The following DLG2 variants were observed in gnomAD, a reference collection of about 807,000 sequenced individuals.
The protein encoded by DLG2 is disks large homolog 2.
A neutral mutation model predicts 132.5 loss-of-function variants in DLG2; 45 were observed. The ratio of observed to expected loss-of-function variants is 0.34; its 90% confidence interval spans 0.27 to 0.44. The LOEUF is 0.44. DLG2 is among the 20% of genes least tolerant of loss of function. The pLI, the probability that DLG2 is intolerant of heterozygous loss-of-function variation, is 1.00. For synonymous variants in DLG2, 424 were observed against 419.6 expected (o/e 1.01, Z -0.13); for missense variants, 1,045 against 1,196.9 (o/e 0.87, Z 1.87).
chr11:84,433,511 A>G lies in DLG2; in HGVS notation c.519+101059T>C, dbSNP rs189010970. ...AAGGAATAATTATTTGAATGGAGGT[A>G]TTCTATCCCAGCCAGGCAATCTGGA... is the stretch of plus-strand genomic sequence containing the variant. On this transcript the variant is annotated intron_variant, in intron 7 of 27. Transcript: ENST00000376104. 4.4e-4 allele frequency among the ~76,000 whole-genome samples: 67 copies of G among 152,360 alleles called. 1 individual carries two copies. The East Asian group carries it at 0.011, about 26-fold the overall frequency.
intron 3 of DLG2, among the ~76,000 whole-genome samples, chr11:85,577,235 T>C (rs1219659987): frequency 6.6e-6 from 1 of 152,074 alleles, no homozygotes; most frequent in Non-Finnish European, 1.5e-5. Context: ...TGAAAACAAA[T>C]GGATACAGTT....
At chr11:85,120,080 C>A (rs1056970879) in intron 5 of DLG2, among the ~76,000 whole-genome samples, 4 of 152,006 alleles carry the variant, frequency 2.6e-5, no homozygotes, top group Non-Finnish European at 4.4e-5. Flanking sequence ...TGGAATGCCA[C>A]CAAGTTAATT....
intron 18 of DLG2, among the ~76,000 whole-genome samples, chr11:83,706,688 C>A (rs1319180562): frequency 6.6e-6 from 1 of 152,238 alleles, no homozygotes; most frequent in Admixed American, 6.5e-5. Flanking sequence ...CAGTTCCCTT[C>A]CTCTCCAATT....
At chr11:85,071,571 G>T (rs1380583992) in intron 6 of DLG2, among the ~76,000 whole-genome samples, 1 of 151,758 alleles carries the variant, frequency 6.6e-6, no homozygotes, top group East Asian at 1.9e-4. Flanking sequence ...CTGGAAATAT[G>T]CAAGTGCTTC....
At chr11:84,848,714 G>A (rs1318125988) in intron 6 of DLG2, among the ~76,000 whole-genome samples, 2 of 152,212 alleles carry the variant, frequency 1.3e-5, no homozygotes, top group East Asian at 3.9e-4. Flanking sequence ...TTAAATCTAT[G>A]CCTGCTGCTT....
intron 17 of DLG2, among the ~76,000 whole-genome samples, chr11:83,829,340 G>A (rs950455701): frequency 1.3e-5 from 2 of 151,914 alleles, no homozygotes; most frequent in Non-Finnish European, 2.9e-5. Flanking sequence ...GGGACTACAG[G>A]TGCACACCAC....
At chr11:83,701,490 T>C (rs1169887954) in intron 18 of DLG2, among the ~76,000 whole-genome samples, 1 of 152,110 alleles carries the variant, frequency 6.6e-6, no homozygotes. Context: ...GGTCAATCTT[T>C]GGGTTAAACA....
intron 7 of DLG2, among the ~76,000 whole-genome samples, chr11:84,307,459 G>A (rs369513127): frequency 6.6e-6 from 1 of 152,132 alleles, no homozygotes; most frequent in Admixed American, 6.5e-5. Flanking sequence ...TGAAGCCGCA[G>A]GCCAAGGCGG....
At chr11:84,029,653 TGGCAGGTCCCAG>T (rs2095638196) in intron 11 of DLG2, among the ~76,000 whole-genome samples, 1 of 152,150 alleles carries the variant, frequency 6.6e-6, no homozygotes, top group South Asian at 2.1e-4. Context: ...CAACTCTAAG[TGGCAGGTCCCAG>T]GACTCTCGCC....
intron 6 of DLG2, among the ~76,000 whole-genome samples, chr11:85,027,460 G>T (rs958002396): frequency 4.6e-5 from 7 of 152,094 alleles, no homozygotes; most frequent in Non-Finnish European, 1.0e-4. Flanking sequence ...TATTGCTCGC[G>T]CCCACAGGGC....
At chr11:84,066,163 T>C (rs1442322704) in intron 10 of DLG2, among the ~76,000 whole-genome samples, 2 of 152,132 alleles carry the variant, frequency 1.3e-5, no homozygotes, top group South Asian at 2.1e-4. Flanking sequence ...ACCAAACCCC[T>C]ACGACATGCA....
chr11:84,714,414 G>C (rs1004507731), intron 6 of DLG2, among the ~76,000 whole-genome samples: 1 of 151,994 alleles, frequency 6.6e-6, no homozygotes, highest in African/African-American at 2.4e-5. Context: ...GGGAGAGGTG[G>C]AGAAAGGCAG....
intron 6 of DLG2, among the ~76,000 whole-genome samples, chr11:84,860,279 G>C (rs1370533341): frequency 1.3e-5 from 2 of 151,954 alleles, no homozygotes; most frequent in African/African-American, 2.4e-5. Flanking sequence ...AACTCCTCAG[G>C]TATGACCCAC....
intron 7 of DLG2, among the ~76,000 whole-genome samples, chr11:84,369,210 G>GA (rs796362581): frequency 3.1e-4 from 47 of 149,242 alleles, no homozygotes; most frequent in African/African-American, 8.6e-4. Context: ...ACTTAGAAAT[G>GA]AAAAAAAAAT....
intron 11 of DLG2, among the ~76,000 whole-genome samples, chr11:83,994,156 A>C (rs888419437): frequency 1.1e-4 from 17 of 152,174 alleles, no homozygotes; most frequent in Non-Finnish European, 2.1e-4. Context: ...ATAGAATTAG[A>C]ATATAGTTAT....
chr11:83,787,037 A>C (rs1039757512), intron 17 of DLG2, among the ~76,000 whole-genome samples: 20 of 152,124 alleles, frequency 1.3e-4, no homozygotes, highest in African/African-American at 3.9e-4. Flanking sequence ...TTATCTATTC[A>C]TGTTCTAGTG....
At chr11:84,653,185 C>A (rs1245135081) in intron 6 of DLG2, among the ~76,000 whole-genome samples, 1 of 152,140 alleles carries the variant, frequency 6.6e-6, no homozygotes. Flanking sequence ...CTGCCTGGGC[C>A]TCCCAAAGGG....
intron 7 of DLG2, among the ~76,000 whole-genome samples, chr11:84,363,330 G>A (rs971346215): frequency 3.3e-5 from 5 of 151,318 alleles, no homozygotes; most frequent in African/African-American, 9.7e-5. Context: ...GTCTGTTCAT[G>A]TCCTTCGCCC....
At chr11:83,587,435 A>AT (rs1425550794) in intron 19 of DLG2, among the ~76,000 whole-genome samples, 1 of 151,978 alleles carries the variant, frequency 6.6e-6, no homozygotes. Context: ...ATGCCCAGCT[A>AT]TTTTTTTATA....
Sources: gnomAD v4.1 joint callset for allele counts (sites outside exome capture counted in the v4.1 genomes callset) on GRCh38, gnomAD v4.1.1 for gene constraint, MANE v1.5 for transcripts, NCBI Gene and HGNC (gene_info 2026-07-23, HGNC 2026-07-21) for gene names.